The following GLS variants were observed in gnomAD, a reference collection of about 807,000 sequenced individuals.
GLS encodes glutaminase kidney isoform, mitochondrial.
Under a neutral mutation model 86.7 loss-of-function variants are expected in GLS, and 36 were observed. The observed-to-expected ratio is 0.42, with a 90% CI of 0.32 to 0.55. The LOEUF is 0.55. GLS is among the 20% of genes least tolerant of loss of function. The pLI, the probability that GLS is intolerant of heterozygous loss-of-function variation, is 0.17. For synonymous variants in GLS, 317 were observed against 305.9 expected (o/e 1.04, Z -0.38); for missense variants, 528 against 833.4 (o/e 0.63, Z 4.51).
chr2:190,934,462 G>A, intron 14 of GLS: 1 of 965,638 alleles, frequency 1.0e-6, no homozygotes, highest in Non-Finnish European at 1.2e-6. Context: ...TTACTTGAAT[G>A]TTCTTTGAAT....
rs1553488908 is a variant in GLS at position 190,953,100 on chromosome 2, C to T, written c.1651-465C>T. ...TGACAGTTAACACTGAATGTTCTCT[C>T]TTAAGATTTGCAAAGAAGCCAGTGA... is the stretch of plus-strand genomic sequence containing the variant. On this transcript the variant is annotated intron_variant, in intron 14 of 17. Transcript: ENST00000320717. The surrounding 1 kb of genome is among the most constrained non-coding windows in gnomAD (Gnocchi z 4.0). Among the ~76,000 whole-genome samples the T allele has an allele frequency of 6.6e-6, 1 of 152,196 alleles. No individual in the cohort carries two copies. Among genetic ancestry groups the T allele is most frequent in the South Asian group, 2.1e-4 (1 of 4,830 alleles).
Position 190,924,085 on chromosome 2 carries a change from T to A in GLS, c.1197+102T>A, listed in dbSNP as rs997794486. ...ACAATAGCCTTTAAGCAACTACCTA[T>A]TACTATTTAAGGTGCAGAAGTTTTT... On this transcript the variant is annotated intron_variant, in intron 10 of 17. Transcript: ENST00000320717. The surrounding 1 kb of genome is among the most constrained non-coding windows in gnomAD (Gnocchi z 5.2). 3.0e-6 allele frequency: 2 copies of A among 675,726 alleles called. No homozygotes were observed. Among genetic ancestry groups the A allele is most frequent in the African/African-American group, 3.7e-5 (2 of 53,980 alleles). 41.9% of individuals were successfully genotyped at this position (675,726 alleles called of 1,614,324 possible).
chr2:190,933,573 C>T, intron 14 of GLS: 1 of 957,194 alleles, frequency 1.0e-6, no homozygotes, highest in Non-Finnish European at 1.2e-6. Flanking sequence ...CAAAGAATTT[C>T]AGATGTGAGA....
In GLS at chr2:190,931,487, A is replaced by G. The variant is rs968971363; in HGVS notation, c.1558-58A>G. The G allele has an allele frequency of 8.4e-6, 6 of 710,222 alleles. No homozygotes were observed. The Admixed American group carries it at 1.4e-4, about 17-fold the overall frequency. 44.0% of individuals were successfully genotyped at this position (710,222 alleles called of 1,614,324 possible). On this transcript the variant is annotated intron_variant, in intron 13 of 17. Transcript: ENST00000320717. ...ATAAGCAGAGTTTGTTAAAATATGG[A>G]TATATATAACCAATGAATAGCCAAT...
chr2:190,926,292 T>C lies in GLS; in HGVS notation c.1249-1014T>C, dbSNP rs1417007469. On this transcript the variant is annotated intron_variant, in intron 11 of 17. Coordinates refer to ENST00000320717, the MANE Select transcript of GLS (RefSeq NM_014905.5). The stretch of plus-strand genomic sequence containing the variant: ...GACCTTATCACAAATCTTTGCTATC[T>C]GGGGCAGTATTGCAAGTCGATTCTG... Among the ~76,000 whole-genome samples the C allele has an allele frequency of 4.6e-5, 7 of 152,224 alleles. No homozygotes were observed. In the East Asian group the frequency reaches 1.3e-3, roughly 29 times the overall value.
chr2:190,942,904 T>C (rs1690481357), intron 14 of GLS, among the ~76,000 whole-genome samples: 1 of 152,216 alleles, frequency 6.6e-6, no homozygotes, highest in African/African-American at 2.4e-5. Flanking sequence ...TGTGTTGATC[T>C]TAGAAATCAC....
chr2:190,919,161 C>T (rs1293638772), intron 7 of GLS, among the ~76,000 whole-genome samples: 1 of 152,116 alleles, frequency 6.6e-6, no homozygotes, highest in Non-Finnish European at 1.5e-5. Context: ...TGAAGTGAAG[C>T]TCAATAAAAT....
intron 14 of GLS, among the ~76,000 whole-genome samples, chr2:190,937,859 T>G (rs1690318201): frequency 7.0e-6 from 1 of 143,410 alleles, no homozygotes; most frequent in East Asian, 2.0e-4. Flanking sequence ...TTTTTTTTTG[T>G]AAATTTCATT....
At chr2:190,903,053 A>G (rs1349438576) in intron 5 of GLS, among the ~76,000 whole-genome samples, 3 of 152,154 alleles carry the variant, frequency 2.0e-5, no homozygotes, top group Non-Finnish European at 2.9e-5. Context: ...CCTTTTATGA[A>G]AATTTGATCT....
Position 190,935,087 on chromosome 2 carries a change from T to G in GLS, c.1650+3450T>G. The G allele has an allele frequency of 2.1e-6, 2 of 944,912 alleles. No individual in the cohort carries two copies. The highest frequency in any genetic ancestry group is 1.3e-6 in the Non-Finnish European group (1 of 793,414). 58.5% of individuals were successfully genotyped at this position (944,912 alleles called of 1,614,324 possible). ...TGATTTTCTTTTTTCTTTCTTTTTT[T>G]GGCATCATTAACATTTCATTTGAAA... On this transcript the variant is annotated intron_variant, in intron 14 of 17. Transcript: ENST00000320717. The surrounding 1 kb of genome is among the most constrained non-coding windows in gnomAD (Gnocchi z 4.2).
intron 6 of GLS, among the ~76,000 whole-genome samples, chr2:190,908,106 A>G (rs1689225492): frequency 6.6e-6 from 1 of 152,146 alleles, no homozygotes; most frequent in South Asian, 2.1e-4. Flanking sequence ...TCGTAACCAT[A>G]TATATCCCAA....
intron 14 of GLS, among the ~76,000 whole-genome samples, chr2:190,942,339 C>G (rs547306274): frequency 6.6e-6 from 1 of 152,070 alleles, no homozygotes; most frequent in South Asian, 2.1e-4. Context: ...CTCGGTCTCC[C>G]AAAATGCTGG....
Position 190,913,672 on chromosome 2 carries a change from T to C in GLS, c.1038+3351T>C, listed in dbSNP as rs987099775. 7 of 975,768 alleles carry C rather than the reference T, an allele frequency of 7.2e-6. No homozygotes were observed. The African/African-American group carries it at 1.2e-4, about 17-fold the overall frequency. The allele number at this position is 975,768 out of a possible 1,614,324, so 60.4% of individuals were successfully genotyped here. A position where few individuals can be genotyped will look rare whatever the true frequency, so the allele number is the denominator to read the frequency against. On this transcript the variant is annotated intron_variant, in intron 7 of 17. Transcript: ENST00000320717. The surrounding 1 kb of genome is among the most constrained non-coding windows in gnomAD (Gnocchi z 6.1). ...TTTTAGTTTAAAAGTTAAGATCTGG[T>C]GATAACTTAAGGGTTAGGATAGGAA...
chr2:190,926,638 T>A (rs981514219), intron 11 of GLS, among the ~76,000 whole-genome samples: 1 of 152,228 alleles, frequency 6.6e-6, no homozygotes, highest in Admixed American at 6.5e-5. Flanking sequence ...ATTTTGATTG[T>A]ATTTAAATGC....
rs1477121939 is a variant in GLS at position 190,913,464 on chromosome 2, T to C, written c.1038+3143T>C. 12 of 941,148 alleles carry C rather than the reference T, an allele frequency of 1.3e-5. No homozygotes were observed. The allele number at this position is 941,148 out of a possible 1,614,324, so 58.3% of individuals were successfully genotyped here. On this transcript the variant is annotated intron_variant, in intron 7 of 17. Transcript: ENST00000320717. This position sits in a 1 kb window ranked among gnomAD's most constrained non-coding sequence, Gnocchi z 6.1. The stretch of plus-strand genomic sequence containing the variant: ...ATACTTCCTCTCTTTTTCTCTGTGG[T>C]AGCTACTAACTTTAAAGGAATACTT...
At chr2:190,936,677 A>G (rs1690279490) in intron 14 of GLS, among the ~76,000 whole-genome samples, 1 of 151,272 alleles carries the variant, frequency 6.6e-6, no homozygotes, top group African/African-American at 2.4e-5. Flanking sequence ...GAAACCAAGA[A>G]TATTAGATTT....
intron 14 of GLS, chr2:190,933,021 G>A (rs1253643629): frequency 8.8e-7 from 1 of 1,137,036 alleles, no homozygotes. Context: ...TTTGTATAAA[G>A]GCAGTAGATT....
At chr2:190,933,425 C>A in intron 14 of GLS, 1 of 864,994 alleles carries the variant, frequency 1.2e-6, no homozygotes, top group Non-Finnish European at 1.4e-6. Flanking sequence ...GATAGATTGG[C>A]TTTACATTTT....
At chr2:190,948,370 C>CATGCT (rs1690631893) in intron 14 of GLS, among the ~76,000 whole-genome samples, 1 of 152,050 alleles carries the variant, frequency 6.6e-6, no homozygotes, top group Non-Finnish European at 1.5e-5. Flanking sequence ...TAACAATATA[C>CATGCT]TCTGAATAAA....
Sources: gnomAD v4.1 joint callset for allele counts (sites outside exome capture counted in the v4.1 genomes callset) on GRCh38, gnomAD v4.1.1 for gene constraint, Gnocchi (gnomAD v3.1) non-coding constraint, MANE v1.5 for transcripts, NCBI Gene and HGNC (gene_info 2026-07-23, HGNC 2026-07-21) for gene names.